ADAR: variants seen among roughly 807,000 people sequenced by gnomAD.
ADAR encodes the protein double-stranded RNA-specific adenosine deaminase.
A neutral mutation model predicts 113.2 loss-of-function variants in ADAR; 41 were observed. The observed-to-expected ratio is 0.36, with a 90% confidence interval of 0.28 to 0.47. ADAR has a LOEUF of 0.47. Among genes scored for constraint, ADAR ranks in the 20% least tolerant of loss-of-function variants. ADAR has a pLI of 1.00. For synonymous variants in ADAR, 605 were observed against 572.6 expected (o/e 1.06, Z -0.81); for missense variants, 1,242 against 1,540.9 (o/e 0.81, Z 3.25).
intron 1 of ADAR, among the ~76,000 whole-genome samples, chr1:154,615,652 A>C (rs1398057451): frequency 6.6e-6 from 1 of 152,120 alleles, no homozygotes. Flanking sequence ...GGGCTCAAGC[A>C]ATCTGCCTGC....
At chr1:154,620,416 A>G (rs1000007129) in intron 1 of ADAR, among the ~76,000 whole-genome samples, 1 of 151,826 alleles carries the variant, frequency 6.6e-6, no homozygotes, top group Non-Finnish European at 1.5e-5. Context: ...AAAAAAAAAA[A>G]CAAACAATGG....
chr1:154,612,724 C>T (rs1198350386), upstream of ADAR, among the ~76,000 whole-genome samples: 1 of 152,074 alleles, frequency 6.6e-6, no homozygotes, highest in Non-Finnish European at 1.5e-5. Flanking sequence ...ATTTATTGCC[C>T]TCCTTTTTTG....
chr1:154,602,398 T>G lies in ADAR; in HGVS notation c.244A>C (p.Ser82Arg). Residue 82 changes from serine (S) to arginine (R), a missense_variant, in exon 2 of 15, where the codon AGT becomes CGT. Transcript: ENST00000368474. ...RPRFPVLLAS[S>R]TRGRQVDIRG... Reference sequence around the variant, plus strand: ...ATGTCCACTTGCCTGCCTCTGGTACTGGAGGCAAGTAGTACTGGAAACCTT... The same window carrying G: ...ATGTCCACTTGCCTGCCTCTGGTACGGGAGGCAAGTAGTACTGGAAACCTT... The G allele has an allele frequency of 1.2e-6, 2 of 1,604,226 alleles. No individual in the cohort carries two copies. The highest frequency in any genetic ancestry group is 2.7e-5 in the African/African-American group (2 of 74,880).
At chr1:154,590,147 C>A (rs767944266) in intron 7 of ADAR, 37 bp downstream of exon 7, 4 of 1,089,280 alleles carry the variant, frequency 3.7e-6, no homozygotes, top group East Asian at 2.7e-5. Context: ...GAGGACCCCC[C>A]CGCCCCAAAA....
In ADAR at chr1:154,602,336, C is replaced by A. The variant is rs760509994; in HGVS notation, c.306G>T (p.Gln102His). The A allele has an allele frequency of 6.2e-7, 1 of 1,611,318 alleles. No homozygotes were observed. The highest frequency in any genetic ancestry group is 2.2e-5 in the East Asian group (1 of 44,882). The change falls in exon 2 of 15, where the codon CAG becomes CAT. Residue 102 changes from glutamine to histidine, a missense_variant. Around this residue, in one of 2 missense-constraint regions of ADAR, gnomAD observed 462 missense variants for 483.1 expected, o/e 0.96. Transcript: ENST00000368474. ...GATGCTGGAACCCTCTCTGGAGCCCCTGACTTCTGAGATGCACGCCCCTGG... is the reference window on the plus strand; with the variant it reads ...GATGCTGGAACCCTCTCTGGAGCCCATGACTTCTGAGATGCACGCCCCTGG... ...GVPRGVHLRS[Q>H]GLQRGFQHPS...
At chr1:154,589,719 G>C in intron 8 of ADAR, 38 bp downstream of exon 8, 1 of 1,613,726 alleles carries the variant, frequency 6.2e-7, no homozygotes, top group Non-Finnish European at 8.5e-7. Flanking sequence ...CCGCTTTCAG[G>C]CGCCATGGGA....
rs1429411421 is a variant in ADAR, at chr1:154,590,312, G to A, written c.2368C>T (p.Arg790Cys). 2.5e-6 allele frequency: 4 copies of A among 1,613,982 alleles called. No homozygotes were observed. The highest frequency in any genetic ancestry group is 1.1e-5 in the South Asian group (1 of 91,084). The change falls in exon 7 of 15, where the codon CGT becomes TGT. Residue 790 changes from arginine (R) to cysteine (C), a missense_variant. Arg to Cys is a radical substitution (Grantham distance 180). Around this residue, in one of 2 missense-constraint regions of ADAR, gnomAD observed 780 missense variants for 1,057.9 expected, o/e 0.74. Transcript: ENST00000368474. ...GKQEAADAAL[R>C]VLIGENEKAE... ...TTCTCGTTCTCCCCAATCAAGACAC[G>A]GAGAGCCGCATCTGCTGCTTCCTGC...
intron 1 of ADAR, among the ~76,000 whole-genome samples, chr1:154,621,304 A>C (rs1197310589): frequency 4.6e-5 from 7 of 152,156 alleles, no homozygotes; most frequent in Non-Finnish European, 1.0e-4. Flanking sequence ...AAAAACTAGA[A>C]TATAGAATAA....
Position 154,582,718 on chromosome 1 carries a change from A to G in ADAR, c.*2088T>C, listed in dbSNP as rs1357034567. The G allele has an allele frequency of 6.6e-6, 1 of 152,326 alleles. No individual in the cohort carries two copies. The highest frequency in any genetic ancestry group is 2.4e-5 in the African/African-American group (1 of 41,448). 9.4% of individuals were successfully genotyped at this position (152,326 alleles called of 1,614,324 possible). ...GCCCAAGATGGACCAGAGAGGCCAA[A>G]CAACCTGAGGACTCAGCAGGTGACA... On this transcript the variant is annotated 3_prime_UTR_variant, in exon 15 of 15. Transcript: ENST00000368474.
chr1:154,586,372 G>C lies in ADAR; in HGVS notation c.3020-9C>G, dbSNP rs746020675. On this transcript the variant is annotated splice_polypyrimidine_tract_variant and intron_variant, in intron 11 of 14. Transcript: ENST00000368474. ...AGGGATTGTGCCTTCTCCTGTGTGA[G>C]AGACTTGGGTCAGACCCACAGGCGC... 5 of 1,613,490 alleles carry C rather than the reference G, an allele frequency of 3.1e-6. No homozygotes were observed. The East Asian group carries it at 1.1e-4, about 36-fold the overall frequency.
At position 154,589,908 on chromosome 1, in the gene ADAR, G is replaced by A. The variant is rs1697014793; in HGVS notation, c.2517C>T (p.Thr839=). Residue 839 remains threonine, a synonymous_variant, in exon 8 of 15, where the codon ACC becomes ACT. Transcript: ENST00000368474. ...TCAGCATGGCTATCTGGTCATGGAAGGTGCTGCCAGTGAGAGGGAGCTGTG... is the reference window on the plus strand; with the variant it reads ...TCAGCATGGCTATCTGGTCATGGAAAGTGCTGCCAGTGAGAGGGAGCTGTG... ...QPKTLPLTGS[T]FHDQIAMLSH... 1 of 1,614,070 alleles carries A rather than the reference G, an allele frequency of 6.2e-7. No individual in the cohort carries two copies. Among genetic ancestry groups the A allele is most frequent in the Non-Finnish European group, 8.5e-7 (1 of 1,180,034 alleles).
rs1697636497 is a variant in ADAR, at chr1:154,598,279, A to AG, written c.1785+122_1785+123insC. 12 of 1,087,778 alleles carry AG rather than the reference A, an allele frequency of 1.1e-5. No homozygotes were observed. The South Asian group carries it at 1.6e-4, about 14-fold the overall frequency. 67.4% of individuals were successfully genotyped at this position (1,087,778 alleles called of 1,614,324 possible). ...TGGGCTGGCGAGATAGGGTAGAGGGAAGAGTGGGAAGCTGACTCCGAGATG... is the reference window on the plus strand; with the variant it reads ...TGGGCTGGCGAGATAGGGTAGAGGGAGAGAGTGGGAAGCTGACTCCGAGATG... On this transcript the variant is annotated intron_variant, in intron 3 of 14. Coordinates refer to ENST00000368474, the MANE Select transcript of ADAR (RefSeq NM_001111.5).
At chr1:154,611,677 T>G (rs1698492447), upstream of ADAR, among the ~76,000 whole-genome samples, 1 of 152,188 alleles carries the variant, frequency 6.6e-6, no homozygotes, top group Non-Finnish European at 1.5e-5. Flanking sequence ...TGCCAACACA[T>G]GGGTGGTCAG....
intron 1 of ADAR, among the ~76,000 whole-genome samples, chr1:154,603,393 T>G (rs1031711121): frequency 2.0e-5 from 3 of 152,138 alleles, no homozygotes; most frequent in African/African-American, 7.2e-5. Context: ...CTCTTCAGTG[T>G]GGTACCCAGG....
At chr1:154,608,772 C>CTCA (rs1316112074), upstream of ADAR, 4 of 150,902 alleles carry the variant, frequency 2.7e-5, no homozygotes, top group Non-Finnish European at 5.9e-5. Context: ...AACAGCATGA[C>CTCA]GCCCGGTCCT....
At chr1:154,613,341 G>A (rs1698544780) in intron 1 of ADAR, among the ~76,000 whole-genome samples, 1 of 138,996 alleles carries the variant, frequency 7.2e-6, no homozygotes, top group East Asian at 2.1e-4. Context: ...CTGGAGTGCA[G>A]TGGCATGATC....
chr1:154,595,350 C>T (rs932260770), intron 6 of ADAR, among the ~76,000 whole-genome samples: 4 of 152,188 alleles, frequency 2.6e-5, no homozygotes, highest in African/African-American at 9.6e-5. Context: ...TAGGAGATGA[C>T]GGCCCCCATG....
At chr1:154,600,543 A>G (rs1288785759) in intron 2 of ADAR, 2 of 188,346 alleles carry the variant, frequency 1.1e-5, no homozygotes, top group Non-Finnish European at 2.2e-5. Flanking sequence ...GCGCAATCTC[A>G]GTTCACTGCA....
intron 1 of ADAR, among the ~76,000 whole-genome samples, chr1:154,619,873 G>A (rs1021066551): frequency 6.6e-6 from 1 of 152,100 alleles, no homozygotes; most frequent in Non-Finnish European, 1.5e-5. Flanking sequence ...CTAACTATTC[G>A]AGAAAACTGT....
Sources: gnomAD v4.1 joint callset for allele counts (sites outside exome capture counted in the v4.1 genomes callset) on GRCh38, gnomAD v4.1.1 for gene constraint, gnomAD v4.1.1 regional missense constraint, MANE v1.5 for transcripts, NCBI Gene and HGNC (gene_info 2026-07-23, HGNC 2026-07-21) for gene names.